Variants in SHROOM3 observed in about 807,000 individuals in gnomAD.
SHROOM3 encodes the protein shroom family member 3.
SHROOM3 carries 47 observed loss-of-function variants against 138.6 expected under a neutral mutation model. The ratio of observed to expected loss-of-function variants is 0.34; its 90% confidence interval spans 0.27 to 0.43. SHROOM3 has a LOEUF of 0.43. SHROOM3 is among the 20% of genes least tolerant of loss of function. The pLI is 1.00. For missense variants in SHROOM3, 2,491 were observed against 2,596.5 expected (o/e 0.96, Z 0.88); for synonymous variants, 1,062 against 1,063.3 (o/e 1.00, Z 0.02).
chr4:76,520,428 T>C (rs1474622072), intron 1 of SHROOM3, among the ~76,000 whole-genome samples: 1 of 152,078 alleles, frequency 6.6e-6, no homozygotes, highest in Non-Finnish European at 1.5e-5. Flanking sequence ...AAGCTATATA[T>C]ATATATACTC....
intron 2 of SHROOM3, among the ~76,000 whole-genome samples, chr4:76,574,896 G>A (rs775049388): frequency 6.6e-6 from 1 of 152,052 alleles, no homozygotes; most frequent in Non-Finnish European, 1.5e-5. Context: ...TCTGGACATT[G>A]GATCTACAAA....
rs1553936163 is a variant in SHROOM3, at chr4:76,681,625, G to GTGTATGTA, written c.324-28528_324-28527insATGTATGT. ...TGTGTGTGTGTGTGTGTGTGTGTGTGTGTGTGTGTATGTGTCTGGATGAGA... is the reference window on the plus strand; with the variant it reads ...TGTGTGTGTGTGTGTGTGTGTGTGTGTGTATGTATGTGTGTGTATGTGTCTGGATGAGA... On this transcript the variant is annotated intron_variant, in intron 2 of 10. Transcript: ENST00000296043. Among the ~76,000 whole-genome samples, 304 of 117,952 alleles carry GTGTATGTA rather than the reference G, an allele frequency of 2.6e-3. 8 individuals are homozygous for GTGTATGTA. The highest frequency in any genetic ancestry group is 0.01 in the African/African-American group (291 of 28,336). The allele number at this position is 117,952 out of a possible 152,430, so 77.4% of individuals were successfully genotyped here.
intron 2 of SHROOM3, among the ~76,000 whole-genome samples, chr4:76,669,351 T>A (rs1007350795): frequency 1.8e-4 from 27 of 152,190 alleles, no homozygotes; most frequent in African/African-American, 5.1e-4. Context: ...CTGGACTCAG[T>A]GGCTCACACC....
At chr4:76,746,819 T>TTAG (rs1721451911) in intron 5 of SHROOM3, among the ~76,000 whole-genome samples, 1 of 142,448 alleles carries the variant, frequency 7.0e-6, no homozygotes, top group Non-Finnish European at 1.5e-5. Context: ...ATTATTATTA[T>TTAG]TATTATTATT....
At chr4:76,775,011 G>GT (rs1722502133) in intron 10 of SHROOM3, among the ~76,000 whole-genome samples, 1 of 151,666 alleles carries the variant, frequency 6.6e-6, no homozygotes, top group Admixed American at 6.6e-5. Context: ...TTGTTACATT[G>GT]ATAAATTCTT....
At chr4:76,509,253 C>T (rs1732281154) in intron 1 of SHROOM3, 1 of 135,076 alleles carries the variant, frequency 7.4e-6, no homozygotes, top group South Asian at 2.5e-4. Context: ...TATACATATC[C>T]CCCCCTCCGA....
At chr4:76,647,433 T>C (rs1735848438) in intron 2 of SHROOM3, among the ~76,000 whole-genome samples, 1 of 152,194 alleles carries the variant, frequency 6.6e-6, no homozygotes, top group Non-Finnish European at 1.5e-5. Flanking sequence ...TCCCAACACG[T>C]AGAAATGATG....
intron 3 of SHROOM3, among the ~76,000 whole-genome samples, chr4:76,725,212 A>G (rs1049330779): frequency 1.3e-5 from 2 of 149,296 alleles, no homozygotes; most frequent in African/African-American, 5.0e-5. Context: ...ATGAAACCTG[A>G]TACTCTGCCC....
chr4:76,513,691 C>A (rs1185798578), intron 1 of SHROOM3, among the ~76,000 whole-genome samples: 1 of 152,088 alleles, frequency 6.6e-6, no homozygotes, highest in African/African-American at 2.4e-5. Flanking sequence ...TGGGTAATTG[C>A]GGCAGAAAAG....
chr4:76,778,841 T>A lies in SHROOM3; in HGVS notation c.5655T>A (p.Ala1885=). The A allele has an allele frequency of 6.2e-7, 1 of 1,612,602 alleles. No individual in the cohort carries two copies. The highest frequency in any genetic ancestry group is 8.5e-7 in the Non-Finnish European group (1 of 1,180,024). Residue 1885 remains alanine (A), a synonymous_variant, in exon 11 of 11, where the codon GCT becomes GCA. Coordinates refer to ENST00000296043, the MANE Select transcript of SHROOM3 (RefSeq NM_020859.4). ...SSLYEKRKIL[A]GQHEDARELK... ...TTTACGAGAAAAGGAAGATCCTGGC[T>A]GGTCAGCATGAGGATGCCCGGGAGC...
chr4:76,436,915 T>A lies in SHROOM3; in HGVS notation c.168+695T>A, dbSNP rs191689851. Among the ~76,000 whole-genome samples, 263 of 152,348 alleles carry A rather than the reference T, an allele frequency of 1.7e-3. 1 individual carries two copies. Among genetic ancestry groups the A allele is most frequent in the African/African-American group, 5.9e-3 (244 of 41,578 alleles). On this transcript the variant is annotated intron_variant, in intron 1 of 10. Coordinates refer to ENST00000296043, the MANE Select transcript of SHROOM3 (RefSeq NM_020859.4). ...AACTACAGATTAACATTACTTGTTATAATATTGCTTTTAAATTTTTAGAGT... is the reference window on the plus strand; with the variant it reads ...AACTACAGATTAACATTACTTGTTAAAATATTGCTTTTAAATTTTTAGAGT...
intron 7 of SHROOM3, 52 bp downstream of exon 7, chr4:76,755,244 C>G (rs1454340128): frequency 6.3e-7 from 1 of 1,582,970 alleles, no homozygotes; most frequent in Non-Finnish European, 8.6e-7. Flanking sequence ...AGTGTCATGC[C>G]CCAGGTGGCC....
chr4:76,574,078 A>G (rs1252793055), intron 2 of SHROOM3, among the ~76,000 whole-genome samples: 2 of 152,122 alleles, frequency 1.3e-5, no homozygotes, highest in South Asian at 2.1e-4. Context: ...CTGAGGCTAG[A>G]AGAGAAATCA....
chr4:76,508,244 T>C (rs1457032979), intron 1 of SHROOM3, among the ~76,000 whole-genome samples: 2 of 152,224 alleles, frequency 1.3e-5, no homozygotes, highest in Admixed American at 6.5e-5. Context: ...TGGTATGAGC[T>C]AAGGGTCCAG....
At chr4:76,469,465 T>C (rs1731321111) in intron 1 of SHROOM3, among the ~76,000 whole-genome samples, 1 of 149,726 alleles carries the variant, frequency 6.7e-6, no homozygotes. Context: ...CCAATTGTCT[T>C]TTTTTTTTTG....
intron 2 of SHROOM3, among the ~76,000 whole-genome samples, chr4:76,623,529 G>A (rs1056741201): frequency 3.9e-5 from 6 of 152,188 alleles, no homozygotes; most frequent in African/African-American, 1.4e-4. Flanking sequence ...TAGGCCAAAT[G>A]ATCTGGCTCT....
intron 2 of SHROOM3, among the ~76,000 whole-genome samples, chr4:76,650,674 A>T (rs1451690507): frequency 1.3e-5 from 2 of 151,954 alleles, no homozygotes; most frequent in Non-Finnish European, 2.9e-5. Context: ...CCTCCCAAGT[A>T]GCTGGGATTA....
chr4:76,642,716 G>A (rs1042176952), intron 2 of SHROOM3, among the ~76,000 whole-genome samples: 5 of 152,124 alleles, frequency 3.3e-5, no homozygotes, highest in Non-Finnish European at 7.3e-5. Flanking sequence ...CTAGGTAATA[G>A]GTTAGAGCAT....
chr4:76,437,457 C>T (rs907244719), intron 1 of SHROOM3, among the ~76,000 whole-genome samples: 1 of 152,142 alleles, frequency 6.6e-6, no homozygotes, highest in African/African-American at 2.4e-5. Context: ...TCCACTCTGC[C>T]ATTCTTATGA....
Sources: gnomAD v4.1 joint callset for allele counts (sites outside exome capture counted in the v4.1 genomes callset) on GRCh38, gnomAD v4.1.1 for gene constraint, MANE v1.5 for transcripts, NCBI Gene and HGNC (gene_info 2026-07-23, HGNC 2026-07-21) for gene names.